The following DLG2 variants were observed in gnomAD, a reference collection of about 807,000 sequenced individuals.
The protein encoded by DLG2 is discs large MAGUK scaffold protein 2, also known as disks large homolog 2.
A neutral mutation model predicts 132.5 loss-of-function variants in DLG2; 45 were observed. That is an observed-to-expected ratio of 0.34 (90% confidence interval 0.27 to 0.44). The LOEUF (loss-of-function observed/expected upper bound fraction) is 0.44. DLG2 is among the 20% of genes least tolerant of loss of function. DLG2 has a pLI of 1.00. For missense variants in DLG2, 1,045 were observed against 1,196.9 expected (o/e 0.87, Z 1.87); for synonymous variants, 424 against 419.6 (o/e 1.01, Z -0.13).
chr11:85,368,075 A>G (rs1431613527), intron 3 of DLG2, among the ~76,000 whole-genome samples: 1 of 152,218 alleles, frequency 6.6e-6, no homozygotes, highest in Non-Finnish European at 1.5e-5. Context: ...AGACTTACCT[A>G]TCTTTGAAAG....
At chr11:84,200,545 C>T (rs955186050) in intron 8 of DLG2, among the ~76,000 whole-genome samples, 31 of 152,074 alleles carry the variant, frequency 2.0e-4, no homozygotes, top group Non-Finnish European at 2.9e-5. Context: ...GCAGTATGGC[C>T]ATTTTCACGA....
At chr11:85,439,740 A>C (rs1179146154) in intron 3 of DLG2, among the ~76,000 whole-genome samples, 1 of 152,176 alleles carries the variant, frequency 6.6e-6, no homozygotes, top group Non-Finnish European at 1.5e-5. Context: ...TGTGTGAAAC[A>C]AAAAGTCAAA....
intron 7 of DLG2, among the ~76,000 whole-genome samples, chr11:84,274,208 G>C (rs971779658): frequency 6.6e-6 from 1 of 152,178 alleles, no homozygotes. Flanking sequence ...GGGAGGTGAG[G>C]CTCCACCAGT....
intron 3 of DLG2, among the ~76,000 whole-genome samples, chr11:85,400,403 A>G (rs1379414260): frequency 1.4e-5 from 2 of 138,148 alleles, no homozygotes; most frequent in African/African-American, 5.5e-5. Context: ...AACTAGAAAT[A>G]CCATTTGACC....
chr11:84,822,340 A>G (rs931343414), intron 6 of DLG2, among the ~76,000 whole-genome samples: 3 of 151,882 alleles, frequency 2.0e-5, no homozygotes, highest in Non-Finnish European at 4.4e-5. Flanking sequence ...TGACTGGCAA[A>G]TGATAATTGG....
chr11:84,182,469 C>A (rs879444081), intron 8 of DLG2, among the ~76,000 whole-genome samples: 29 of 150,552 alleles, frequency 1.9e-4, no homozygotes, highest in Non-Finnish European at 3.4e-4. Context: ...GTTGAGGCTA[C>A]AGTGAGCCCT....
chr11:85,469,585 C>T (rs1299484838), intron 3 of DLG2: 1 of 152,180 alleles, frequency 6.6e-6, no homozygotes, highest in African/African-American at 2.4e-5. Flanking sequence ...ATCTTCAGTC[C>T]TCTTCCACCA....
chr11:84,345,727 G>C (rs551389084), intron 7 of DLG2, among the ~76,000 whole-genome samples: 18 of 152,240 alleles, frequency 1.2e-4, no homozygotes, highest in East Asian at 1.9e-4. Context: ...TCATGGTATA[G>C]AGCAAGTGTT....
chr11:84,465,836 A>G (rs2099092875), intron 7 of DLG2, among the ~76,000 whole-genome samples: 1 of 151,236 alleles, frequency 6.6e-6, no homozygotes, highest in African/African-American at 2.4e-5. Flanking sequence ...TCCTACCAAG[A>G]CAGGGTGGCC....
At chr11:84,647,248 A>T (rs2099676049) in intron 6 of DLG2, among the ~76,000 whole-genome samples, 2 of 152,168 alleles carry the variant, frequency 1.3e-5, no homozygotes, top group Admixed American at 1.3e-4. Context: ...AAACAGTGGG[A>T]GAGAAGGTTT....
At chr11:83,532,138 A>T (rs1366350826) in intron 21 of DLG2, among the ~76,000 whole-genome samples, 1 of 152,128 alleles carries the variant, frequency 6.6e-6, no homozygotes, top group African/African-American at 2.4e-5. Flanking sequence ...TGGTTGAGTT[A>T]CATTGTATGC....
chr11:83,621,848 C>T (rs1278253605), intron 19 of DLG2, among the ~76,000 whole-genome samples: 1 of 152,020 alleles, frequency 6.6e-6, no homozygotes, highest in Admixed American at 6.6e-5. Context: ...GGTATGAGAC[C>T]TGTGTTCCCC....
chr11:84,866,614 G>A (rs1288065984), intron 6 of DLG2, among the ~76,000 whole-genome samples: 1 of 152,144 alleles, frequency 6.6e-6, no homozygotes, highest in Non-Finnish European at 1.5e-5. Context: ...GAACTACACT[G>A]TTCTCATTGG....
intron 7 of DLG2, among the ~76,000 whole-genome samples, chr11:84,299,750 A>G (rs1437499096): frequency 1.3e-5 from 2 of 152,182 alleles, no homozygotes; most frequent in South Asian, 2.1e-4. Flanking sequence ...AACTCAAAAG[A>G]ATCTCTTTCC....
At chr11:84,307,695 CAAAAAAAAAA>C (rs1222486667) in intron 7 of DLG2, among the ~76,000 whole-genome samples, 1 of 78,022 alleles carries the variant, frequency 1.3e-5, no homozygotes, top group Admixed American at 1.2e-4. Context: ...GACGCAGTCT[CAAAAAAAAAA>C]AAAAAAAAAA....
intron 20 of DLG2, among the ~76,000 whole-genome samples, chr11:83,539,870 T>G (rs971486290): frequency 1.3e-5 from 2 of 152,216 alleles, no homozygotes; most frequent in Non-Finnish European, 2.9e-5. Flanking sequence ...GCATTGAGAA[T>G]GTTCTTCTGG....
intron 6 of DLG2, among the ~76,000 whole-genome samples, chr11:84,550,723 C>T (rs2099400199): frequency 6.6e-6 from 1 of 152,120 alleles, no homozygotes; most frequent in Non-Finnish European, 1.5e-5. Flanking sequence ...GACTAAAGTT[C>T]CTTCCTAGTG....
intron 8 of DLG2, among the ~76,000 whole-genome samples, chr11:84,216,176 T>G (rs2096833029): frequency 6.6e-6 from 1 of 152,118 alleles, no homozygotes; most frequent in Non-Finnish European, 1.5e-5. Context: ...ATGCTTTCTT[T>G]GTGGGCCCCT....
At chr11:84,010,565 G>A (rs1273819686) in intron 11 of DLG2, among the ~76,000 whole-genome samples, 1 of 152,042 alleles carries the variant, frequency 6.6e-6, no homozygotes, top group South Asian at 2.1e-4. Flanking sequence ...GTCTCCCAAG[G>A]TGATGGGATT....
Sources: gnomAD v4.1 joint callset for allele counts (sites outside exome capture counted in the v4.1 genomes callset) on GRCh38, gnomAD v4.1.1 for gene constraint, MANE v1.5 for transcripts, NCBI Gene and HGNC (gene_info 2026-07-23, HGNC 2026-07-21) for gene names.